Variants in N4BP3 observed in about 807,000 individuals in gnomAD.
N4BP3 encodes NEDD4-binding protein 3.
In N4BP3, 33 loss-of-function variants were observed where a neutral mutation model predicts 43.8. That is an observed-to-expected ratio of 0.75 (90% CI 0.57 to 1.01). The LOEUF is 1.01. N4BP3 is among the 50% of genes least tolerant of loss of function. The pLI, the probability that N4BP3 is intolerant of heterozygous loss-of-function variation, is 0.00. For missense variants in N4BP3, 756 were observed against 744.2 expected (o/e 1.02, Z -0.18); for synonymous variants, 326 against 321.9 (o/e 1.01, Z -0.14).
chr5:178,121,646 G>A lies in N4BP3; in HGVS notation c.1280G>A (p.Arg427His), dbSNP rs567245211. The A allele has an allele frequency of 1.1e-5, 17 of 1,612,480 alleles. No homozygotes were observed. In the East Asian group the frequency reaches 1.3e-4, roughly 13 times the overall value. ...CTGGTCCGGCTGCGCGAGGCTGTGC[G>A]CAGCCTGCAGGAGCAGGCCCCTCGG... ...AELVRLREAV[R>H]SLQEQAPREE... The change falls in exon 5 of 5, where the codon CGC becomes CAC. Residue 427 changes from arginine (R) to histidine (H), a missense_variant. Transcript: ENST00000274605.
Position 178,119,886 on chromosome 5 carries a change from G to A in N4BP3, c.303G>A (p.Ser101=), listed in dbSNP as rs201984362. The change falls in exon 2 of 5, where the codon TCG becomes TCA. Residue 101 remains serine (S), a synonymous_variant. Coordinates refer to ENST00000274605, the MANE Select transcript of N4BP3 (RefSeq NM_015111.2). ...HSRAGDFSKT[S]LPERGRFDKC... ...GCGCGGGTGACTTCAGCAAGACCTC[G>A]CTGCCAGAACGGGGTCGCTTTGACA... The A allele has an allele frequency of 6.2e-5, 100 of 1,610,526 alleles. No homozygotes were observed. Among genetic ancestry groups the A allele is most frequent in the Non-Finnish European group, 7.5e-5 (89 of 1,179,582 alleles).
At chr5:178,116,329 C>T (rs1026922827) in intron 1 of N4BP3, among the ~76,000 whole-genome samples, 5 of 152,178 alleles carry the variant, frequency 3.3e-5, no homozygotes, top group South Asian at 2.1e-4. Context: ...CTGTGACATA[C>T]GCAGGGAGGA....
chr5:178,124,143 G>T lies in N4BP3; in HGVS notation c.*2142G>T, dbSNP rs2113331898. 1 of 152,910 alleles carries T rather than the reference G, an allele frequency of 6.5e-6. No homozygotes were observed. The allele number at this position is 152,910 out of a possible 1,614,324, so 9.5% of individuals were successfully genotyped here. A position where few individuals can be genotyped will look rare whatever the true frequency, so the allele number is the denominator to read the frequency against. ...CCATGGCCAGGGGCCTGTCAAGCCAGGGGCCCACACACCTGGTGCCAGGGT... is the reference window on the plus strand; with the variant it reads ...CCATGGCCAGGGGCCTGTCAAGCCATGGGCCCACACACCTGGTGCCAGGGT... On this transcript the variant is annotated 3_prime_UTR_variant, in exon 5 of 5. Coordinates refer to ENST00000274605, the MANE Select transcript of N4BP3 (RefSeq NM_015111.2).
At chr5:178,120,093 C>T (rs1178491350) in intron 2 of N4BP3, 85 bp from the exon 3 acceptor site, 2 of 1,512,266 alleles carry the variant, frequency 1.3e-6, no homozygotes, top group Non-Finnish European at 1.8e-6. Flanking sequence ...AAGAGGATCC[C>T]TCAGGGGCTG....
chr5:178,121,614 C>G lies in N4BP3; in HGVS notation c.1248C>G (p.Asp416Glu), dbSNP rs765393835. The G allele has an allele frequency of 5.3e-5, 86 of 1,613,060 alleles. No homozygotes were observed. In the Admixed American group the frequency reaches 1.1e-3, roughly 20 times the overall value. Residue 416 changes from aspartate to glutamate, a missense_variant, in exon 5 of 5, where the codon GAC (aspartate) becomes GAG (glutamate). Physicochemically the swap from Asp to Glu is conservative, Grantham distance 45 (BLOSUM62 2). Coordinates refer to ENST00000274605, the MANE Select transcript of N4BP3 (RefSeq NM_015111.2). ...GCCGGGCACAAGCCCAGGCTCAGGA[C>G]GCAGAGCTGGTCCGGCTGCGCGAGG... Reference protein sequence around the residue: ...RGSRAQAQAQDAELVRLREAV... With the variant: ...RGSRAQAQAQEAELVRLREAV...
rs559636054 is a variant in N4BP3, at chr5:178,120,366, C to T, written c.519C>T (p.His173=). The T allele has an allele frequency of 3.6e-5, 58 of 1,609,072 alleles. No homozygotes were observed. The highest frequency in any genetic ancestry group is 2.5e-4 in the South Asian group (23 of 90,962). ...GCCAGGCCCGGGCACAGCTGCTGCA[C>T]GCCCTCAGCCTAGATGAGGGCGGCC... ...RASQARAQLL[H]ALSLDEGGPE... is the part of the protein sequence containing the mutation. Residue 173 remains histidine, a synonymous_variant, in exon 3 of 5, where the codon CAC becomes CAT. Transcript: ENST00000274605.
chr5:178,121,441 C>T (rs760397003), intron 4 of N4BP3, 33 bp from the exon 5 acceptor site: 2 of 1,613,692 alleles, frequency 1.2e-6, no homozygotes, highest in African/African-American at 2.7e-5. Context: ...GCTCCCCACA[C>T]CCTACTTTGC....
At chr5:178,126,902 G>C (rs1236114254), downstream of N4BP3, among the ~76,000 whole-genome samples, 1 of 152,114 alleles carries the variant, frequency 6.6e-6, no homozygotes, top group Non-Finnish European at 1.5e-5. Flanking sequence ...CCTCCTCCCA[G>C]AAACCTCAGG....
At chr5:178,126,365 A>T (rs1054476695), downstream of N4BP3, among the ~76,000 whole-genome samples, 6 of 152,124 alleles carry the variant, frequency 3.9e-5, no homozygotes, top group Non-Finnish European at 7.4e-5. Context: ...TTTTTAGTAC[A>T]GACAGGATTT....
chr5:178,113,886 C>T (rs1226301090), intron 1 of N4BP3, 115 bp downstream of exon 1: 4 of 152,476 alleles, frequency 2.6e-5, no homozygotes, highest in African/African-American at 4.8e-5. Flanking sequence ...TGCTGTCCCG[C>T]TGGCCGAGGC....
rs1426150630 is a variant in N4BP3, at chr5:178,122,105, G to T, written c.*104G>T. On this transcript the variant is annotated 3_prime_UTR_variant, in exon 5 of 5. Coordinates refer to ENST00000274605, the MANE Select transcript of N4BP3 (RefSeq NM_015111.2). Reference sequence around the variant, plus strand: ...GTTGGGGTGGAACCTGCAGAGGCCAGCCCGGGGCTGGGGAGGCGCAAGGAG... The same window carrying T: ...GTTGGGGTGGAACCTGCAGAGGCCATCCCGGGGCTGGGGAGGCGCAAGGAG... 1.4e-6 allele frequency: 2 copies of T among 1,382,086 alleles called. No homozygotes were observed. The highest frequency in any genetic ancestry group is 1.9e-6 in the Non-Finnish European group (2 of 1,045,428). 85.6% of individuals were successfully genotyped at this position (1,382,086 alleles called of 1,614,324 possible).
Position 178,122,156 on chromosome 5 carries a change from C to A in N4BP3, c.*155C>A. ...AGGAGGGATCCAGTGGGGCCGTGGG[C>A]TGGGTAGGGTGCCTTGGCAGGAGCC... is the stretch of plus-strand genomic sequence containing the variant. On this transcript the variant is annotated 3_prime_UTR_variant, in exon 5 of 5. Coordinates refer to ENST00000274605, the MANE Select transcript of N4BP3 (RefSeq NM_015111.2). 2 of 990,444 alleles carry A rather than the reference C, an allele frequency of 2.0e-6. No individual in the cohort carries two copies. The highest frequency in any genetic ancestry group is 2.9e-6 in the Non-Finnish European group (2 of 698,456). The allele number at this position is 990,444 out of a possible 1,614,324, so 61.4% of individuals were successfully genotyped here.
intron 1 of N4BP3, among the ~76,000 whole-genome samples, chr5:178,116,409 C>T (rs1318781265): frequency 6.6e-6 from 1 of 151,678 alleles, no homozygotes; most frequent in African/African-American, 2.4e-5. Context: ...CCAGGAGGGG[C>T]ACAGTGGGGA....
Position 178,120,528 on chromosome 5 carries a change from A to C in N4BP3, c.681A>C (p.Gln227His). The C allele has an allele frequency of 6.2e-7, 1 of 1,613,036 alleles. No individual in the cohort carries two copies. Among genetic ancestry groups the C allele is most frequent in the Non-Finnish European group, 8.5e-7 (1 of 1,180,002 alleles). Residue 227 changes from glutamine (Q) to histidine (H), a missense_variant, in exon 3 of 5, where the codon CAA (glutamine) becomes CAC (histidine). By Grantham distance (24) the Gln-to-His change is conservative. Coordinates refer to ENST00000274605, the MANE Select transcript of N4BP3 (RefSeq NM_015111.2). ...GGGGCTCCCTGGACCGGGCCTCTCA[A>C]GGACCCAAGGAGGCTGGGCCACCAG... is the stretch of plus-strand genomic sequence containing the variant. ...HLGGSLDRASQGPKEAGPPAV... is the reference protein window; with the variant it reads ...HLGGSLDRASHGPKEAGPPAV...
At position 178,113,553 on chromosome 5, in the gene N4BP3, C is replaced by T. The variant is rs1342489229; in HGVS notation, c.-249C>T. Reference sequence around the variant, plus strand: ...CCGGGTTTTCCCTCCGCCTTTGGGGCAGGCGATCGAGCGCCGCGGAGCGCG... The same window carrying T: ...CCGGGTTTTCCCTCCGCCTTTGGGGTAGGCGATCGAGCGCCGCGGAGCGCG... On this transcript the variant is annotated 5_prime_UTR_variant, in exon 1 of 5. Coordinates refer to ENST00000274605, the MANE Select transcript of N4BP3 (RefSeq NM_015111.2). 1 of 151,604 alleles carries T rather than the reference C, an allele frequency of 6.6e-6. No homozygotes were observed. Among genetic ancestry groups the T allele is most frequent in the Non-Finnish European group, 1.5e-5 (1 of 67,852 alleles). 9.4% of individuals were successfully genotyped at this position (151,604 alleles called of 1,614,324 possible).
At position 178,120,584 on chromosome 5, in the gene N4BP3, C is replaced by A; in HGVS notation, c.737C>A (p.Pro246His). The change falls in exon 3 of 5, where the codon CCC becomes CAC. Residue 246 changes from proline (P) to histidine (H), a missense_variant. Physicochemically the swap from Pro to His is moderately conservative, Grantham distance 77. Transcript: ENST00000274605. ...CTGAGCTGCCTGCCCGAGCCACCAC[C>A]CCCCTACGAGTTCTCCTGCTCCTCT... is the stretch of plus-strand genomic sequence containing the variant. ...AVLSCLPEPP[P>H]PYEFSCSSAE... 1 of 1,612,872 alleles carries A rather than the reference C, an allele frequency of 6.2e-7. No individual in the cohort carries two copies. The highest frequency in any genetic ancestry group is 8.5e-7 in the Non-Finnish European group (1 of 1,180,024).
intron 1 of N4BP3, among the ~76,000 whole-genome samples, chr5:178,117,197 A>G (rs1296198696): frequency 3.9e-5 from 6 of 152,212 alleles, no homozygotes; most frequent in Non-Finnish European, 4.4e-5. Flanking sequence ...GAGTGAGGGC[A>G]GGCTGGAGAG....
At chr5:178,120,995 G>T in intron 3 of N4BP3, 103 bp from the exon 4 acceptor site, 1 of 1,425,974 alleles carries the variant, frequency 7.0e-7, no homozygotes, top group South Asian at 1.4e-5. Flanking sequence ...GGGTCCTGTG[G>T]TGTAGGGGCA....
At chr5:178,120,038 G>A in intron 2 of N4BP3, 125 bp downstream of exon 2, 1 of 1,469,282 alleles carries the variant, frequency 6.8e-7, no homozygotes, top group South Asian at 1.4e-5. Flanking sequence ...GGGCTGGCCT[G>A]AGGTTTGTTC....
Sources: allele counts gnomAD v4.1 joint callset (sites outside exome capture counted in the v4.1 genomes callset), GRCh38; gene constraint gnomAD v4.1.1; transcripts MANE v1.5; gene names NCBI Gene and HGNC (gene_info 2026-07-23, HGNC 2026-07-21).